SETD3: variants seen among roughly 807,000 people sequenced by gnomAD.
The protein encoded by SETD3 is actin-histidine N-methyltransferase.
A neutral mutation model predicts 63.0 loss-of-function variants in SETD3; 19 were observed. The ratio of observed to expected loss-of-function variants is 0.30; its 90% CI spans 0.21 to 0.44. SETD3 has a LOEUF of 0.44. Ranked by LOEUF, SETD3 falls within the 20% of genes least tolerant of loss-of-function variation. SETD3 has a pLI of 1.00. For synonymous variants in SETD3, 286 were observed against 264.1 expected (o/e 1.08, Z -0.80); for missense variants, 587 against 728.5 (o/e 0.81, Z 2.24).
intron 2 of SETD3, among the ~76,000 whole-genome samples, chr14:99,463,876 ATACT>A (rs749086222): frequency 8.5e-5 from 13 of 152,240 alleles, no homozygotes; most frequent in Non-Finnish European, 7.3e-5. Flanking sequence ...TTTTTAGAAT[ATACT>A]TACTAACAGG....
upstream of SETD3, chr14:99,481,659 G>C (rs1896327576): frequency 2.6e-6 from 1 of 390,054 alleles, no homozygotes; most frequent in African/African-American, 2.1e-5. Context: ...TGGGGCGGGC[G>C]TGTAGAGAGG....
intron 6 of SETD3, among the ~76,000 whole-genome samples, chr14:99,452,027 C>T (rs1019295349): frequency 1.1e-4 from 16 of 152,176 alleles, no homozygotes; most frequent in Non-Finnish European, 1.8e-4. Flanking sequence ...ACTGGAAGGA[C>T]TCCTCAAAAC....
chr14:99,431,132 C>T (rs915591453), intron 6 of SETD3, among the ~76,000 whole-genome samples: 1 of 152,230 alleles, frequency 6.6e-6, no homozygotes, highest in African/African-American at 2.4e-5. Flanking sequence ...ACCTAACCAC[C>T]TCAAGTGCTG....
At chr14:99,424,435 A>C (rs1482550117) in intron 6 of SETD3, among the ~76,000 whole-genome samples, 1 of 152,164 alleles carries the variant, frequency 6.6e-6, no homozygotes, top group African/African-American at 2.4e-5. Context: ...CAGGGCGGGG[A>C]GAGCCAGGCT....
In SETD3 at chr14:99,405,349, C is replaced by T. The variant is rs1381797275; in HGVS notation, c.947G>A (p.Arg316Gln). Residue 316 changes from arginine (R) to glutamine (Q), a missense_variant, in exon 10 of 13, where the codon CGA becomes CAA. By Grantham distance (43) the Arg-to-Gln change is conservative. Coordinates refer to ENST00000331768, the MANE Select transcript of SETD3 (RefSeq NM_032233.3). ...GTGGATCACAAACTCTGCGTTGGAT[C>T]GAGTGCCATAAAAAATGTAAATCTG... ...GEQIYIFYGT[R>Q]SNAEFVIHSG... 14 of 1,607,430 alleles carry T rather than the reference C, an allele frequency of 8.7e-6. No homozygotes were observed. The highest frequency in any genetic ancestry group is 1.2e-5 in the Non-Finnish European group (14 of 1,178,382).
intron 2 of SETD3, among the ~76,000 whole-genome samples, chr14:99,464,195 C>A (rs764123027): frequency 2.0e-5 from 3 of 152,158 alleles, no homozygotes. Flanking sequence ...ACCAAAAGAC[C>A]AACACCCGAG....
At chr14:99,400,342 T>C in intron 11 of SETD3, 83 bp from the exon 12 acceptor site, 1 of 1,424,222 alleles carries the variant, frequency 7.0e-7, no homozygotes, top group South Asian at 1.3e-5. Flanking sequence ...TAGAAAATAT[T>C]GTTTCCAACA....
intron 11 of SETD3, among the ~76,000 whole-genome samples, chr14:99,401,153 A>T (rs944243181): frequency 6.6e-6 from 1 of 152,154 alleles, no homozygotes; most frequent in African/African-American, 2.4e-5. Flanking sequence ...AAAAAAAAAA[A>T]AAATTCTCAG....
At chr14:99,457,078 A>G (rs1458155969) in intron 6 of SETD3, among the ~76,000 whole-genome samples, 1 of 152,234 alleles carries the variant, frequency 6.6e-6, no homozygotes, top group Non-Finnish European at 1.5e-5. Flanking sequence ...AACTAAGAAT[A>G]AAAGTATAAC....
chr14:99,431,926 C>T (rs905666570), intron 6 of SETD3, among the ~76,000 whole-genome samples: 2 of 152,156 alleles, frequency 1.3e-5, no homozygotes, highest in African/African-American at 4.8e-5. Flanking sequence ...AATTTTAACT[C>T]GGGAATACTA....
At chr14:99,405,508 T>C in intron 9 of SETD3, 137 bp from the exon 10 acceptor site, 2 of 984,638 alleles carry the variant, frequency 2.0e-6, no homozygotes, top group Non-Finnish European at 2.9e-6. Context: ...ACCTGTTTGG[T>C]ATAGGTTGCA....
chr14:99,424,424 T>G (rs1892766935), intron 6 of SETD3, among the ~76,000 whole-genome samples: 2 of 152,016 alleles, frequency 1.3e-5, no homozygotes, highest in South Asian at 4.2e-4. Context: ...GCATCACACT[T>G]CAGGGCGGGG....
At chr14:99,399,396 T>C (rs1891258268) in intron 12 of SETD3, among the ~76,000 whole-genome samples, 1 of 152,218 alleles carries the variant, frequency 6.6e-6, no homozygotes, top group African/African-American at 2.4e-5. Context: ...CTACCCCATC[T>C]GCCAGGGAAC....
intron 6 of SETD3, among the ~76,000 whole-genome samples, chr14:99,449,847 A>G (rs994441405): frequency 2.6e-5 from 4 of 152,244 alleles, no homozygotes; most frequent in Non-Finnish European, 5.9e-5. Context: ...CTGTGCACAA[A>G]TTTTGCAACT....
At chr14:99,453,116 C>T (rs1281349066) in intron 6 of SETD3, among the ~76,000 whole-genome samples, 2 of 152,050 alleles carry the variant, frequency 1.3e-5, no homozygotes, top group African/African-American at 4.8e-5. Flanking sequence ...TGTAATAATC[C>T]TCTCTCTCTC....
rs1321892627 is a variant in SETD3 at position 99,458,343 on chromosome 14, T to C, written c.611A>G (p.His204Arg). 3 of 1,614,142 alleles carry C rather than the reference T, an allele frequency of 1.9e-6. No homozygotes were observed. The highest frequency in any genetic ancestry group is 1.7e-6 in the Non-Finnish European group (2 of 1,180,010). The stretch of plus-strand genomic sequence containing the variant: ...GTTTTTATACTGGCTGAAGACATCA[T>C]GTATAGCTTGTGTGGACTGAAGATA... Reference protein sequence around the residue: ...VRYLQSTQAIHDVFSQYKNTA... With the variant: ...VRYLQSTQAIRDVFSQYKNTA... Residue 204 changes from histidine to arginine, a missense_variant, in exon 6 of 13, where the codon CAT (histidine) becomes CGT (arginine). Transcript: ENST00000331768.
intron 1 of SETD3, among the ~76,000 whole-genome samples, chr14:99,468,440 A>C (rs1895516106): frequency 6.6e-6 from 1 of 152,198 alleles, no homozygotes; most frequent in South Asian, 2.1e-4. Flanking sequence ...TAACATTGCT[A>C]TCTTCTCTTA....
intron 2 of SETD3, among the ~76,000 whole-genome samples, chr14:99,464,523 G>A (rs910557305): frequency 5.9e-5 from 9 of 152,292 alleles, no homozygotes; most frequent in South Asian, 2.1e-4. Flanking sequence ...GGAGCTCAGC[G>A]AGGAATGGGC....
chr14:99,446,061 C>A (rs1344156117), intron 6 of SETD3, among the ~76,000 whole-genome samples: 2 of 152,190 alleles, frequency 1.3e-5, no homozygotes. Context: ...AAAACTGTGT[C>A]TAGGGTCAGA....
Sources: gnomAD v4.1 joint callset for allele counts (sites outside exome capture counted in the v4.1 genomes callset) on GRCh38, gnomAD v4.1.1 for gene constraint, MANE v1.5 for transcripts, NCBI Gene and HGNC (gene_info 2026-07-23, HGNC 2026-07-21) for gene names.